Variants in PRKG1 observed in about 807,000 individuals in gnomAD.
PRKG1 encodes cGMP-dependent protein kinase 1.
PRKG1 carries 35 observed loss-of-function variants against 88.1 expected under a neutral mutation model. That is an observed-to-expected ratio of 0.40 (90% CI 0.30 to 0.53). PRKG1 has a LOEUF of 0.53. Ranked by LOEUF, PRKG1 falls within the 20% of genes least tolerant of loss-of-function variation. The pLI, the probability that PRKG1 is intolerant of heterozygous loss-of-function variation, is 0.59. For synonymous variants in PRKG1, 303 were observed against 292.5 expected (o/e 1.04, Z -0.37); for missense variants, 540 against 839.8 (o/e 0.64, Z 4.41).
intron 2 of PRKG1, among the ~76,000 whole-genome samples, chr10:51,426,434 A>G (rs1838588032): frequency 6.6e-6 from 1 of 152,202 alleles, no homozygotes; most frequent in Non-Finnish European, 1.5e-5. Flanking sequence ...GCAGTAGGAC[A>G]ATGTTTGACC....
At chr10:51,453,103 T>C (rs1839484700) in intron 2 of PRKG1, among the ~76,000 whole-genome samples, 1 of 152,096 alleles carries the variant, frequency 6.6e-6, no homozygotes, top group African/African-American at 2.4e-5. Context: ...TAGCCTTGAA[T>C]GATCCTTTGT....
At chr10:51,672,428 G>A (rs1840605828) in intron 3 of PRKG1, among the ~76,000 whole-genome samples, 1 of 151,274 alleles carries the variant, frequency 6.6e-6, no homozygotes, top group African/African-American at 2.4e-5. Context: ...TTTATTTCTA[G>A]AATTTCTTTT....
intron 3 of PRKG1, among the ~76,000 whole-genome samples, chr10:51,711,436 T>C (rs1433466680): frequency 6.6e-6 from 1 of 152,134 alleles, no homozygotes; most frequent in Non-Finnish European, 1.5e-5. Flanking sequence ...GTCTCCTAAT[T>C]TTTTCTCTTT....
upstream of PRKG1, among the ~76,000 whole-genome samples, chr10:51,072,710 A>G (rs557661145): frequency 6.6e-6 from 1 of 152,300 alleles, no homozygotes; most frequent in South Asian, 2.1e-4. Context: ...TAAGAGAATT[A>G]CTAGATCATA....
intron 1 of PRKG1, among the ~76,000 whole-genome samples, chr10:51,003,024 A>C (rs1160195165): frequency 6.6e-6 from 1 of 152,214 alleles, no homozygotes; most frequent in African/African-American, 2.4e-5. Flanking sequence ...TGAGGTTATC[A>C]ATGTATAGAA....
intron 2 of PRKG1, among the ~76,000 whole-genome samples, chr10:51,393,335 G>C (rs1017898475): frequency 1.7e-4 from 25 of 150,074 alleles, no homozygotes; most frequent in Non-Finnish European, 3.0e-4. Flanking sequence ...TCACTTCCTA[G>C]ATGGGATGGC....
intron 2 of PRKG1, among the ~76,000 whole-genome samples, chr10:51,449,470 A>G (rs1839368397): frequency 6.7e-6 from 1 of 149,018 alleles, no homozygotes. Flanking sequence ...GACACTTTTC[A>G]TGGACTTTAT....
At chr10:51,118,537 T>C (rs1845186985) in intron 1 of PRKG1, among the ~76,000 whole-genome samples, 1 of 152,184 alleles carries the variant, frequency 6.6e-6, no homozygotes, top group African/African-American at 2.4e-5. Flanking sequence ...AGTACTTTTA[T>C]CTGTGCCAAA....
intron 3 of PRKG1, among the ~76,000 whole-genome samples, chr10:51,744,285 C>T (rs923102943): frequency 1.3e-5 from 2 of 152,088 alleles, no homozygotes; most frequent in Non-Finnish European, 2.9e-5. Flanking sequence ...AAACGTGCCC[C>T]GGGTCATGAA....
chr10:51,957,955 T>C (rs1430235931), intron 5 of PRKG1, among the ~76,000 whole-genome samples: 4 of 152,214 alleles, frequency 2.6e-5, no homozygotes, highest in African/African-American at 9.6e-5. Flanking sequence ...GGTTGAATGA[T>C]GCTTTTTGAA....
At chr10:51,426,860 G>T (rs1332642732) in intron 2 of PRKG1, among the ~76,000 whole-genome samples, 2 of 152,132 alleles carry the variant, frequency 1.3e-5, no homozygotes, top group Admixed American at 1.3e-4. Context: ...AAACAGGCTG[G>T]GGAGTAAAGA....
At chr10:51,253,431 G>A (rs113529586) in intron 2 of PRKG1, among the ~76,000 whole-genome samples, 6,008 of 151,924 alleles carry the variant, frequency 0.04, 188 homozygotes, top group African/African-American at 0.088. Context: ...TTAATTTGGG[G>A]AAAAGAACTC....
At chr10:51,487,554 G>A (rs992154277) in intron 3 of PRKG1, among the ~76,000 whole-genome samples, 1 of 152,098 alleles carries the variant, frequency 6.6e-6, no homozygotes, top group Non-Finnish European at 1.5e-5. Flanking sequence ...TCACACCCTT[G>A]TATAATCCCT....
At chr10:52,259,792 A>G (rs1414787856) in intron 10 of PRKG1, among the ~76,000 whole-genome samples, 1 of 152,102 alleles carries the variant, frequency 6.6e-6, no homozygotes, top group Non-Finnish European at 1.5e-5. Context: ...CCACATCTGC[A>G]CAAACAAAGC....
intron 3 of PRKG1, among the ~76,000 whole-genome samples, chr10:51,512,541 T>G (rs1236998137): frequency 9.8e-6 from 1 of 102,400 alleles, no homozygotes; most frequent in Non-Finnish European, 2.0e-5. Flanking sequence ...TTTTTATGGC[T>G]GCATAGTATT....
intron 9 of PRKG1, among the ~76,000 whole-genome samples, chr10:52,217,972 G>A (rs1840152448): frequency 6.6e-6 from 1 of 152,098 alleles, no homozygotes; most frequent in African/African-American, 2.4e-5. Context: ...TCAGCACTTT[G>A]GGAGGCCGAG....
At chr10:51,685,798 G>A (rs927610004) in intron 3 of PRKG1, among the ~76,000 whole-genome samples, 13 of 152,022 alleles carry the variant, frequency 8.6e-5, no homozygotes, top group African/African-American at 2.9e-4. Flanking sequence ...CATATATGTG[G>A]AGTAAGTCTG....
At chr10:52,016,364 A>G (rs2133181673) in intron 5 of PRKG1, among the ~76,000 whole-genome samples, 1 of 152,264 alleles carries the variant, frequency 6.6e-6, no homozygotes, top group East Asian at 1.9e-4. Context: ...AAACCATCGG[A>G]TCTTGTTAGA....
chr10:52,172,684 C>T (rs1838737869), intron 9 of PRKG1, among the ~76,000 whole-genome samples: 1 of 152,188 alleles, frequency 6.6e-6, no homozygotes, highest in Non-Finnish European at 1.5e-5. Flanking sequence ...GTGAATATAG[C>T]ATGCAGCATA....
Sources: allele counts gnomAD v4.1 joint callset (sites outside exome capture counted in the v4.1 genomes callset), GRCh38; gene constraint gnomAD v4.1.1; transcripts MANE v1.5; gene names NCBI Gene and HGNC (gene_info 2026-07-23, HGNC 2026-07-21).